Variants in NFIA observed in about 807,000 individuals in gnomAD.
NFIA encodes nuclear factor 1 A-type.
In NFIA, 8 loss-of-function variants were observed where a neutral mutation model predicts 62.8. The observed-to-expected ratio is 0.13, with a 90% CI of 0.07 to 0.23. The LOEUF is 0.23. Among genes scored for constraint, NFIA ranks in the 10% least tolerant of loss-of-function variants. NFIA has a pLI of 1.00. For missense variants in NFIA, 410 were observed against 642.1 expected, an observed-to-expected ratio of 0.64 and a Z score of 3.91; for synonymous variants, 235 against 238.1, an observed-to-expected ratio of 0.99 and a Z score of 0.12.
At chr1:61,345,781 A>C (rs751751343) in intron 4 of NFIA, among the ~76,000 whole-genome samples, 6 of 152,182 alleles carry the variant, frequency 3.9e-5, no homozygotes, top group Non-Finnish European at 8.8e-5. Context: ...ACTCTGATTC[A>C]TGGCAAAATT....
intron 2 of NFIA, among the ~76,000 whole-genome samples, chr1:61,236,134 T>C (rs569378865): frequency 3.6e-4 from 55 of 151,818 alleles, no homozygotes; most frequent in Non-Finnish European, 6.8e-4. Flanking sequence ...GGTATACTTA[T>C]TGTTTTGGAG....
intron 2 of NFIA, among the ~76,000 whole-genome samples, chr1:61,159,663 A>G (rs1223890690): frequency 6.6e-6 from 1 of 150,588 alleles, no homozygotes; most frequent in Middle Eastern, 3.5e-3. Context: ...TGAGAATAAA[A>G]TTAGATAATG....
In NFIA at chr1:61,233,890, T is replaced by A. The variant is rs568306956; in HGVS notation, c.560-43630T>A. On this transcript the variant is annotated intron_variant, in intron 2 of 10. Coordinates refer to ENST00000403491, the MANE Select transcript of NFIA (RefSeq NM_001134673.4). ...TATCCACAAAGCTACAAAATTGGTTTCCATTACATTAGTTTCAATAGTTGC... is the reference window on the plus strand; with the variant it reads ...TATCCACAAAGCTACAAAATTGGTTACCATTACATTAGTTTCAATAGTTGC... 1.1e-4 allele frequency among the ~76,000 whole-genome samples: 17 copies of A among 152,316 alleles called. No homozygotes were observed. In the South Asian group the frequency reaches 3.5e-3, roughly 32 times the overall value.
intron 3 of NFIA, among the ~76,000 whole-genome samples, chr1:61,282,776 A>G (rs576584708): frequency 1.6e-4 from 24 of 152,256 alleles, no homozygotes; most frequent in African/African-American, 5.8e-4. Context: ...TTTCCCTTCT[A>G]TTTGCCATTT....
intron 4 of NFIA, among the ~76,000 whole-genome samples, chr1:61,344,527 T>C (rs1287912170): frequency 3.3e-5 from 5 of 152,246 alleles, no homozygotes; most frequent in Admixed American, 2.6e-4. Flanking sequence ...TTCTTTCATA[T>C]TCCTCGGTGG....
At chr1:61,298,355 A>T (rs906982887) in intron 3 of NFIA, among the ~76,000 whole-genome samples, 14 of 152,004 alleles carry the variant, frequency 9.2e-5, no homozygotes, top group Non-Finnish European at 1.8e-4. Flanking sequence ...CTCTTTTTTT[A>T]AAAAAATAAA....
chr1:61,383,493 C>A, intron 7 of NFIA, 128 bp downstream of exon 7: 1 of 1,203,852 alleles, frequency 8.3e-7, no homozygotes, highest in Non-Finnish European at 1.1e-6. Context: ...ATTTCTTACC[C>A]TTGGGGGCAG....
chr1:61,153,115 T>C (rs1648537635), intron 2 of NFIA, among the ~76,000 whole-genome samples: 1 of 152,222 alleles, frequency 6.6e-6, no homozygotes, highest in Non-Finnish European at 1.5e-5. Flanking sequence ...GAAACGAGTG[T>C]GTTGAGTTCA....
intron 2 of NFIA, among the ~76,000 whole-genome samples, chr1:61,253,948 C>CT (rs560100422): frequency 5.8e-4 from 88 of 151,618 alleles, no homozygotes; most frequent in Non-Finnish European, 1.1e-3. Context: ...ATTTTTAAAA[C>CT]TTTTTTTTTC....
chr1:61,151,875 A>G (rs1357744031), intron 2 of NFIA, among the ~76,000 whole-genome samples: 1 of 152,134 alleles, frequency 6.6e-6, no homozygotes, highest in African/African-American at 2.4e-5. Flanking sequence ...GAATTATTTC[A>G]ACAATGAGAC....
intron 2 of NFIA, among the ~76,000 whole-genome samples, chr1:61,236,533 C>T (rs750718696): frequency 4.6e-5 from 7 of 151,988 alleles, no homozygotes; most frequent in African/African-American, 7.3e-5. Context: ...GAGAAAATGC[C>T]GAAGTTGTAG....
At position 61,263,536 on chromosome 1, in the gene NFIA, C is replaced by T. The variant is rs57052959; in HGVS notation, c.560-13984C>T. Among the ~76,000 whole-genome samples the T allele has an allele frequency of 5.4e-3, 824 of 152,122 alleles. 11 individuals are homozygous for T. The highest frequency in any genetic ancestry group is 0.019 in the African/African-American group (781 of 41,498). The stretch of plus-strand genomic sequence containing the variant: ...ACCATGACCAAAATGTTTGAAAAAC[C>T]GTAAAGCCAAGAGATAAGTAATTTT... On this transcript the variant is annotated intron_variant, in intron 2 of 10. Transcript: ENST00000403491.
chr1:61,230,569 T>A (rs2100630819), intron 2 of NFIA, among the ~76,000 whole-genome samples: 2 of 152,328 alleles, frequency 1.3e-5, no homozygotes, highest in South Asian at 4.1e-4. Context: ...CTTTGTAACC[T>A]CTTTACTCCC....
intron 3 of NFIA, among the ~76,000 whole-genome samples, chr1:61,280,337 T>C (rs1658056344): frequency 1.3e-5 from 2 of 152,204 alleles, no homozygotes; most frequent in African/African-American, 4.8e-5. Flanking sequence ...GGAACTCTCA[T>C]AGGTGTATCA....
At chr1:61,400,783 A>G (rs1038246468) in intron 7 of NFIA, among the ~76,000 whole-genome samples, 1 of 152,208 alleles carries the variant, frequency 6.6e-6, no homozygotes, top group African/African-American at 2.4e-5. Flanking sequence ...ACCTCAAAAT[A>G]TAGTTGATGA....
intron 2 of NFIA, among the ~76,000 whole-genome samples, chr1:61,233,400 G>C (rs1158813770): frequency 6.6e-6 from 1 of 152,136 alleles, no homozygotes; most frequent in Non-Finnish European, 1.5e-5. Context: ...CATAGGTGAC[G>C]GGAGAAAGTT....
chr1:61,392,106 A>G (rs908938741), intron 7 of NFIA, among the ~76,000 whole-genome samples: 3 of 152,240 alleles, frequency 2.0e-5, no homozygotes, highest in African/African-American at 7.2e-5. Flanking sequence ...CAGAGAAGCA[A>G]GAGGGCTTGT....
intron 4 of NFIA, among the ~76,000 whole-genome samples, chr1:61,342,826 T>C (rs1662000279): frequency 6.6e-6 from 1 of 152,240 alleles, no homozygotes; most frequent in African/African-American, 2.4e-5. Flanking sequence ...CTAGGAAATA[T>C]CTACATTCAA....
In NFIA at chr1:61,359,242, G is replaced by A. The variant is rs781656491; in HGVS notation, c.914G>A (p.Ser305Asn). 2 of 1,612,690 alleles carry A rather than the reference G, an allele frequency of 1.2e-6. No homozygotes were observed. Among genetic ancestry groups the A allele is most frequent in the East Asian group, 4.5e-5 (2 of 44,872 alleles). ...TGQGRSPGSG[S>N]QSSGWHEVEP... ...CAAGGGCGCTCCCCAGGAAGTGGCA[G>A]TCAGTCAAGTGGATGGCATGAAGTG... The change falls in exon 6 of 11, where the codon AGT (serine) becomes AAT (asparagine). Residue 305 changes from serine to asparagine, a missense_variant. Physicochemically the swap from Ser to Asn is conservative, Grantham distance 46. Coordinates refer to ENST00000403491, the MANE Select transcript of NFIA (RefSeq NM_001134673.4).
Sources: allele counts gnomAD v4.1 joint callset (sites outside exome capture counted in the v4.1 genomes callset), GRCh38; gene constraint gnomAD v4.1.1; transcripts MANE v1.5; gene names NCBI Gene and HGNC (gene_info 2026-07-23, HGNC 2026-07-21).